Variants in PTPRN2 observed in about 807,000 individuals in gnomAD.
PTPRN2 encodes the protein protein tyrosine phosphatase receptor type N2, also known as receptor-type tyrosine-protein phosphatase N2.
PTPRN2 carries 74 observed loss-of-function variants against 118.8 expected under a neutral mutation model. That is an observed-to-expected ratio of 0.62 (90% CI 0.52 to 0.76). PTPRN2 has a LOEUF of 0.76. Among genes scored for constraint, PTPRN2 ranks in the 30% least tolerant of loss-of-function variants. PTPRN2 has a pLI of 0.00. For synonymous variants in PTPRN2, 641 were observed against 608.0 expected, an observed-to-expected ratio of 1.05 and a Z score of -0.80; for missense variants, 1,481 against 1,394.4, an observed-to-expected ratio of 1.06 and a Z score of -0.99.
intron 3 of PTPRN2, among the ~76,000 whole-genome samples, chr7:158,282,662 G>A (rs144618504): frequency 2.1e-3 from 326 of 151,852 alleles, no homozygotes; most frequent in African/African-American, 7.2e-3. Context: ...AGACACAAAC[G>A]GCTCGTCCCT....
In PTPRN2 at chr7:157,540,801, C is replaced by T. The variant is rs755079087; in HGVS notation, c.2977-16G>A. 23 of 1,550,942 alleles carry T rather than the reference C, an allele frequency of 1.5e-5. No homozygotes were observed. The highest frequency in any genetic ancestry group is 4.8e-5 in the South Asian group (4 of 84,186). ...CAAACTGCTCCTGCAGGGCGAGAAA[C>T]GAGAGAAGTGCCAATGAGAGCGGCG... On this transcript the variant is annotated splice_polypyrimidine_tract_variant and intron_variant, in intron 22 of 22. Coordinates refer to ENST00000389418, the MANE Select transcript of PTPRN2 (RefSeq NM_002847.5).
chr7:157,735,500 C>T (rs1338401081), intron 12 of PTPRN2, among the ~76,000 whole-genome samples: 1 of 152,202 alleles, frequency 6.6e-6, no homozygotes, highest in Non-Finnish European at 1.5e-5. Flanking sequence ...TGCTGAGCTG[C>T]TTTAGAAAAT....
chr7:158,556,423 G>A lies in PTPRN2; in HGVS notation c.112+31135C>T, dbSNP rs541852261. Among the ~76,000 whole-genome samples, 9 of 152,074 alleles carry A rather than the reference G, an allele frequency of 5.9e-5. No individual in the cohort carries two copies. In the East Asian group the frequency reaches 7.8e-4, roughly 13 times the overall value. On this transcript the variant is annotated intron_variant, in intron 1 of 22. Coordinates refer to ENST00000389418, the MANE Select transcript of PTPRN2 (RefSeq NM_002847.5). ...ACAAAAATTAGCCGGGCATGGTGGC[G>A]CATGCCTGTAATCCCAGCTACTCAG...
rs141739211 is a variant in PTPRN2, at chr7:158,562,635, C to A, written c.112+24923G>T. On this transcript the variant is annotated intron_variant, in intron 1 of 22. Coordinates refer to ENST00000389418, the MANE Select transcript of PTPRN2 (RefSeq NM_002847.5). Reference sequence around the variant, plus strand: ...GTTAAAGTTTCCTATTATTAATAGTCCATTTAGCACTTGAAAGCCACAAGG... The same window carrying A: ...GTTAAAGTTTCCTATTATTAATAGTACATTTAGCACTTGAAAGCCACAAGG... 9.3e-4 allele frequency among the ~76,000 whole-genome samples: 142 copies of A among 152,300 alleles called. 1 individual carries two copies. Among genetic ancestry groups the A allele is most frequent in the African/African-American group, 3.2e-3 (131 of 41,552 alleles).
intron 5 of PTPRN2, among the ~76,000 whole-genome samples, chr7:158,186,533 C>T (rs549242275): frequency 1.3e-5 from 2 of 152,192 alleles, no homozygotes; most frequent in South Asian, 4.1e-4. Context: ...CATGAGTACG[C>T]CTGGGCTCAC....
rs373983348 is a variant in PTPRN2, at chr7:158,558,447, TGGGGTGCTGCCCCAG to T, written c.112+29096_112+29110del. ...CAGCTTTCCATTTGTAAACTGTCCC[TGGGGTGCTGCCCCAG>T]GGGGTGCTGAGCAGTGAACACTGCC... is the stretch of plus-strand genomic sequence containing the variant. On this transcript the variant is annotated intron_variant, in intron 1 of 22. Coordinates refer to ENST00000389418, the MANE Select transcript of PTPRN2 (RefSeq NM_002847.5). Among the ~76,000 whole-genome samples, 128 of 152,262 alleles carry T rather than the reference TGGGGTGCTGCCCCAG, an allele frequency of 8.4e-4. 1 individual carries two copies. In the Middle Eastern group the frequency reaches 0.024, roughly 28 times the overall value.
In PTPRN2 at chr7:157,780,052, G is replaced by T. The variant is rs1350421738; in HGVS notation, c.1789-97115C>A. ...TATTGATGAACTGCTATGAGTTTTT[G>T]ATGATGGCTTGGCTAGTTGAATTCT... On this transcript the variant is annotated intron_variant, in intron 12 of 22. Transcript: ENST00000389418. This position sits in a 1 kb window ranked among gnomAD's most constrained non-coding sequence, Gnocchi z 4.5. Among the ~76,000 whole-genome samples the T allele has an allele frequency of 6.6e-6, 1 of 152,216 alleles. No homozygotes were observed. Among genetic ancestry groups the T allele is most frequent in the East Asian group, 1.9e-4 (1 of 5,202 alleles).
chr7:158,359,953 G>A (rs1361414593), intron 2 of PTPRN2, among the ~76,000 whole-genome samples: 1 of 152,016 alleles, frequency 6.6e-6, no homozygotes, highest in Non-Finnish European at 1.5e-5. Flanking sequence ...CCCCTCAGTG[G>A]GACATCTCAC....
Position 158,332,321 on chromosome 7 carries a change from C to A in PTPRN2, c.164-15389G>T, listed in dbSNP as rs1353502451. Reference sequence around the variant, plus strand: ...ACGTCACTCACACCCACACTCTCACCATAAGAGCTGAGGCCCACAGAGGAC... The same window carrying A: ...ACGTCACTCACACCCACACTCTCACAATAAGAGCTGAGGCCCACAGAGGAC... On this transcript the variant is annotated intron_variant, in intron 2 of 22. Coordinates refer to ENST00000389418, the MANE Select transcript of PTPRN2 (RefSeq NM_002847.5). Among the ~76,000 whole-genome samples, 3 of 47,222 alleles carry A rather than the reference C, an allele frequency of 6.4e-5. No homozygotes were observed. The South Asian group carries it at 3.6e-3, about 57-fold the overall frequency. 31.0% of individuals were successfully genotyped at this position (47,222 alleles called of 152,430 possible).
At chr7:157,567,558 A>G (rs1019926268) in intron 21 of PTPRN2, among the ~76,000 whole-genome samples, 1 of 151,918 alleles carries the variant, frequency 6.6e-6, no homozygotes, top group African/African-American at 2.4e-5. Flanking sequence ...ACCAGAAGAA[A>G]ATGAAGTAAG....
chr7:158,499,820 T>C (rs887232489), intron 1 of PTPRN2, among the ~76,000 whole-genome samples: 29 of 144,680 alleles, frequency 2.0e-4, no homozygotes, highest in East Asian at 6.5e-4. Context: ...TATATATATA[T>C]ACACACACCC....
intron 12 of PTPRN2, among the ~76,000 whole-genome samples, chr7:157,744,161 A>G (rs1800789316): frequency 6.6e-6 from 1 of 152,202 alleles, no homozygotes; most frequent in Non-Finnish European, 1.5e-5. Flanking sequence ...TGGGTACAGC[A>G]AGACCATGGA....
chr7:157,657,642 T>C (rs1410119104), intron 13 of PTPRN2, among the ~76,000 whole-genome samples: 34 of 30,818 alleles, frequency 1.1e-3, no homozygotes, highest in Admixed American at 2.9e-3. Flanking sequence ...ACCACACACA[T>C]CACACATATA....
At chr7:158,540,361 T>G (rs1398423391) in intron 1 of PTPRN2, among the ~76,000 whole-genome samples, 1 of 152,086 alleles carries the variant, frequency 6.6e-6, no homozygotes, top group Non-Finnish European at 1.5e-5. Flanking sequence ...AGAGGAGCCC[T>G]GGAGAGCTAA....
intron 12 of PTPRN2, among the ~76,000 whole-genome samples, chr7:157,734,770 C>T (rs912540511): frequency 5.9e-5 from 9 of 152,216 alleles, no homozygotes; most frequent in East Asian, 3.9e-4. Context: ...CTGTAAGGGT[C>T]CTGGGGATCC....
chr7:158,508,361 G>A (rs1325655700), intron 1 of PTPRN2, among the ~76,000 whole-genome samples: 2 of 152,216 alleles, frequency 1.3e-5, no homozygotes, highest in Admixed American at 6.5e-5. Context: ...CTGAGAAGGT[G>A]TATGTGGCAC....
chr7:158,313,385 G>T (rs1397905061), intron 3 of PTPRN2, among the ~76,000 whole-genome samples: 1 of 152,220 alleles, frequency 6.6e-6, no homozygotes, highest in African/African-American at 2.4e-5. Context: ...CAATGCAGAA[G>T]ATGACTTTTC....
At chr7:157,639,666 A>G (rs1804554745) in intron 14 of PTPRN2, among the ~76,000 whole-genome samples, 1 of 152,214 alleles carries the variant, frequency 6.6e-6, no homozygotes, top group Non-Finnish European at 1.5e-5. Context: ...GATTCCCTAC[A>G]TCTAAAATCA....
chr7:157,620,747 C>T lies in PTPRN2; in HGVS notation c.2344+615G>A, dbSNP rs186502359. On this transcript the variant is annotated intron_variant, in intron 15 of 22. Transcript: ENST00000389418. Reference sequence around the variant, plus strand: ...TTGTTGGTTGGGCTGGGGATGGCATCGCAGAGGGGAGATTCCCAGGAGGGC... The same window carrying T: ...TTGTTGGTTGGGCTGGGGATGGCATTGCAGAGGGGAGATTCCCAGGAGGGC... Among the ~76,000 whole-genome samples, 538 of 152,252 alleles carry T rather than the reference C, an allele frequency of 3.5e-3. 12 individuals carry two copies. Among genetic ancestry groups the T allele is most frequent in the Admixed American group, 0.023 (357 of 15,300 alleles).
Sources: allele counts gnomAD v4.1 joint callset (sites outside exome capture counted in the v4.1 genomes callset), GRCh38; gene constraint gnomAD v4.1.1; non-coding constraint Gnocchi (gnomAD v3.1); transcripts MANE v1.5; gene names NCBI Gene and HGNC (gene_info 2026-07-23, HGNC 2026-07-21).